SLC7A9: variants seen among roughly 807,000 people sequenced by gnomAD.
SLC7A9 encodes B(0,+)-type amino acid transporter 1.
Under a neutral mutation model 54.1 loss-of-function variants are expected in SLC7A9, and 38 were observed. The ratio of observed to expected loss-of-function variants is 0.70; its 90% CI spans 0.54 to 0.92. SLC7A9 has a LOEUF of 0.92. SLC7A9 is among the 40% of genes least tolerant of loss of function. SLC7A9 has a pLI of 0.00. For synonymous variants in SLC7A9, 264 were observed against 258.9 expected (o/e 1.02, Z -0.19); for missense variants, 537 against 636.1 (o/e 0.84, Z 1.68).
intron 2 of SLC7A9, among the ~76,000 whole-genome samples, chr19:32,866,033 A>C (rs1480115217): frequency 6.6e-6 from 1 of 151,718 alleles, no homozygotes; most frequent in South Asian, 2.1e-4. Context: ...AAAAAGTCCA[A>C]CTCAAGCCCT....
At chr19:32,833,464 T>G (rs1377052659) in intron 11 of SLC7A9, 141 bp from the exon 12 acceptor site, 1 of 891,474 alleles carries the variant, frequency 1.1e-6, no homozygotes, top group Admixed American at 2.2e-5. Flanking sequence ...TTTGCCAATC[T>G]TATTTCATCT....
intron 9 of SLC7A9, among the ~76,000 whole-genome samples, chr19:32,855,751 AT>A (rs1368665878): frequency 6.6e-6 from 1 of 151,984 alleles, no homozygotes; most frequent in African/African-American, 2.4e-5. Flanking sequence ...CCTTGGCATT[AT>A]CAGTACTGCA....
chr19:32,833,008 T>C (rs1331896711), intron 12 of SLC7A9, 141 bp downstream of exon 12: 1 of 828,688 alleles, frequency 1.2e-6, no homozygotes, highest in Non-Finnish European at 2.1e-6. Context: ...AGTGAGGGCG[T>C]GGGCATGTGT....
intron 7 of SLC7A9, chr19:32,860,376 G>A: frequency 7.4e-7 from 1 of 1,345,212 alleles, no homozygotes; most frequent in Non-Finnish European, 9.8e-7. Flanking sequence ...GGCCAACATG[G>A]CAAAATCTCA....
rs945151116 is a variant in SLC7A9, at chr19:32,864,527, G to A, written c.235+102C>T. 8 of 1,548,784 alleles carry A rather than the reference G, an allele frequency of 5.2e-6. No individual in the cohort carries two copies. In the African/African-American group the frequency reaches 8.1e-5, roughly 16 times the overall value. ...ATTTACACCTGTTTGCCATACATGT[G>A]CCAAGAGGGATACTGGCAGGGTGAG... On this transcript the variant is annotated intron_variant, in intron 3 of 12. Transcript: ENST00000023064.
rs34347941 is a variant in SLC7A9 at position 32,833,183 on chromosome 19, G to A, written c.1365C>T (p.Val455=). Residue 455 remains valine, a synonymous_variant, in exon 12 of 13, where the codon GTC becomes GTT. Transcript: ENST00000023064. ...LSGLLFYFLF[V]HYKFGWAQKI... is the part of the protein sequence containing the mutation. ...TCTGAGCCCATCCAAACTTGTAGTG[G>A]ACAAACAGGAAGTAAAATAAAAGGC... 0.025 allele frequency: 40,866 copies of A among 1,614,056 alleles called. 634 individuals carry two copies. The highest frequency in any genetic ancestry group is 0.035 in the Middle Eastern group (214 of 6,062).
At chr19:32,852,037 G>C (rs1163068922) in intron 9 of SLC7A9, among the ~76,000 whole-genome samples, 1 of 152,032 alleles carries the variant, frequency 6.6e-6, no homozygotes, top group African/African-American at 2.4e-5. Flanking sequence ...GGGGGGAGCG[G>C]GGAGGGATAG....
intron 11 of SLC7A9, among the ~76,000 whole-genome samples, chr19:32,833,758 T>C (rs573142586): frequency 1.4e-4 from 21 of 151,528 alleles, no homozygotes; most frequent in Admixed American, 2.6e-4. Context: ...GATTGCACCA[T>C]TGCACTCTAG....
At chr19:32,846,427 A>C (rs1214488859) in intron 9 of SLC7A9, among the ~76,000 whole-genome samples, 3 of 152,210 alleles carry the variant, frequency 2.0e-5, no homozygotes, top group Non-Finnish European at 4.4e-5. Context: ...TGGCTAGCAC[A>C]GCAGTCTGAG....
intron 9 of SLC7A9, among the ~76,000 whole-genome samples, chr19:32,854,263 C>A (rs1044835682): frequency 6.6e-6 from 1 of 152,122 alleles, no homozygotes; most frequent in Non-Finnish European, 1.5e-5. Flanking sequence ...AGTCCTCCCC[C>A]TCGGCCTCCC....
chr19:32,846,266 A>G (rs1048194555), intron 9 of SLC7A9, among the ~76,000 whole-genome samples: 1 of 147,690 alleles, frequency 6.8e-6, no homozygotes, highest in African/African-American at 2.6e-5. Context: ...TCCCTTTCCT[A>G]GTCAAAGAAA....
chr19:32,867,929 C>CAAA (rs57446079), intron 2 of SLC7A9, among the ~76,000 whole-genome samples: 36 of 66,002 alleles, frequency 5.5e-4, no homozygotes, highest in Non-Finnish European at 7.3e-4. Context: ...GACTCTGTCT[C>CAAA]AAAAAAAAAA....
At chr19:32,852,614 A>G (rs773631863) in intron 9 of SLC7A9, among the ~76,000 whole-genome samples, 10 of 152,198 alleles carry the variant, frequency 6.6e-5, no homozygotes, top group African/African-American at 1.7e-4. Context: ...TTACAACTAC[A>G]TATCTTAACT....
chr19:32,841,649 G>A (rs1304844730), intron 11 of SLC7A9, among the ~76,000 whole-genome samples: 2 of 152,336 alleles, frequency 1.3e-5, no homozygotes, highest in East Asian at 1.9e-4. Flanking sequence ...GCTGACACCT[G>A]TAATCCCAGC....
At chr19:32,858,779 T>TA (rs1229026705) in intron 8 of SLC7A9, among the ~76,000 whole-genome samples, 1 of 151,462 alleles carries the variant, frequency 6.6e-6, no homozygotes, top group Non-Finnish European at 1.5e-5. Context: ...TTTATTTATT[T>TA]ATTTATTTAT....
At position 32,843,870 on chromosome 19, in the gene SLC7A9, G is replaced by C. The variant is rs139388814; in HGVS notation, c.1059C>G (p.Pro353=). ...YISVRRLTPA[P]AIIFYGIIAT... ...TTGTACTCACATAAAAGATGATGGC[G>C]GGGGCTGGAGTGAGGCGCCTGACGC... The change falls in exon 10 of 13, where the codon CCC becomes CCG. Residue 353 remains proline (P), a synonymous_variant. Transcript: ENST00000023064. The C allele has an allele frequency of 1.2e-6, 2 of 1,613,098 alleles. No homozygotes were observed. The highest frequency in any genetic ancestry group is 2.2e-5 in the East Asian group (1 of 44,880).
At chr19:32,867,239 C>T (rs1281936400) in intron 2 of SLC7A9, among the ~76,000 whole-genome samples, 3 of 152,214 alleles carry the variant, frequency 2.0e-5, no homozygotes, top group Admixed American at 6.5e-5. Flanking sequence ...CAGCGACTCA[C>T]GCCTATAATC....
rs200279872 is a variant in SLC7A9, at chr19:32,830,603, A to G, written c.*17T>C. 1.9e-5 allele frequency: 31 copies of G among 1,601,294 alleles called. No individual in the cohort carries two copies. The highest frequency in any genetic ancestry group is 2.3e-5 in the Non-Finnish European group (27 of 1,168,278). On this transcript the variant is annotated 3_prime_UTR_variant, in exon 13 of 13. Coordinates refer to ENST00000023064, the MANE Select transcript of SLC7A9 (RefSeq NM_014270.5). ...GAAAATAAATTCAGCTGACTTGGCT[A>G]CAAGAGACGGAGCTTGTTACTCAGG... is the stretch of plus-strand genomic sequence containing the variant.
chr19:32,864,295 T>C lies in SLC7A9; in HGVS notation c.279A>G (p.Ser93=). The change falls in exon 4 of 13, where the codon TCA becomes TCG. Residue 93 remains serine (S), a synonymous_variant. Coordinates refer to ENST00000023064, the MANE Select transcript of SLC7A9 (RefSeq NM_014270.5). ...FAELGTMITK[S]GGEYPYLMEA... is the part of the protein sequence containing the mutation. ...CCATCAGGTAGGGATACTCTCCCCC[T>C]GACTTGGTGATCATTGTGCCAAGCT... The C allele has an allele frequency of 6.2e-7, 1 of 1,614,076 alleles. No individual in the cohort carries two copies. The highest frequency in any genetic ancestry group is 8.5e-7 in the Non-Finnish European group (1 of 1,180,000).
Sources: allele counts gnomAD v4.1 joint callset (sites outside exome capture counted in the v4.1 genomes callset), GRCh38; gene constraint gnomAD v4.1.1; transcripts MANE v1.5; gene names NCBI Gene and HGNC (gene_info 2026-07-23, HGNC 2026-07-21).